Variants in ADAD1 observed in about 807,000 individuals in gnomAD.
The protein encoded by ADAD1 is adenosine deaminase domain-containing protein 1.
A neutral mutation model predicts 66.8 loss-of-function variants in ADAD1; 46 were observed. The ratio of observed to expected loss-of-function variants is 0.69; its 90% CI spans 0.54 to 0.88. The LOEUF (loss-of-function observed/expected upper bound fraction) is 0.88, where lower values mean the gene tolerates loss of function less well. Ranked by LOEUF, ADAD1 falls within the 40% of genes least tolerant of loss-of-function variation. The pLI is 0.00. For missense variants in ADAD1, 617 were observed against 681.8 expected (o/e 0.91, Z 1.06); for synonymous variants, 248 against 229.4 (o/e 1.08, Z -0.73).
At position 122,412,853 on chromosome 4, in the gene ADAD1, C is replaced by G. The variant is rs1001515715; in HGVS notation, c.1249+44C>G. On this transcript the variant is annotated intron_variant, in intron 10 of 12. Coordinates refer to ENST00000296513, the MANE Select transcript of ADAD1 (RefSeq NM_139243.4). ...CCTCCTGGGCCTCTCACTCACTAAG[C>G]AAATTCTCTGTATTTTACTTATCAG... 3 of 1,487,950 alleles carry G rather than the reference C, an allele frequency of 2.0e-6. No individual in the cohort carries two copies. The Admixed American group carries it at 5.4e-5, about 27-fold the overall frequency. The allele number at this position is 1,487,950 out of a possible 1,614,324, so 92.2% of individuals were successfully genotyped here.
At chr4:122,400,471 A>G (rs1795922966) in intron 7 of ADAD1, among the ~76,000 whole-genome samples, 1 of 151,640 alleles carries the variant, frequency 6.6e-6, no homozygotes, top group Admixed American at 6.6e-5. Context: ...TTTTCTTTTT[A>G]TTTAATGTCT....
chr4:122,403,101 T>C (rs1186155517), intron 7 of ADAD1, among the ~76,000 whole-genome samples: 2 of 152,218 alleles, frequency 1.3e-5, no homozygotes, highest in African/African-American at 4.8e-5. Context: ...TTCTGGTTCC[T>C]TCTCATTTGG....
rs1035428764 is a variant in ADAD1, at chr4:122,418,813, A to G, written c.1488-2448A>G. On this transcript the variant is annotated intron_variant, in intron 11 of 12. Coordinates refer to ENST00000296513, the MANE Select transcript of ADAD1 (RefSeq NM_139243.4). ...TTAAATCTGATTTTTTAAAATTGCT[A>G]ATCAAAGCCACAATGAGATACTATC... is the stretch of plus-strand genomic sequence containing the variant. 3.9e-5 allele frequency among the ~76,000 whole-genome samples: 6 copies of G among 152,218 alleles called. No homozygotes were observed. In the South Asian group the frequency reaches 8.3e-4, roughly 21 times the overall value.
At position 122,396,193 on chromosome 4, in the gene ADAD1, T is replaced by C. The variant is rs1419991143; in HGVS notation, c.599-59T>C. ...GATTGTAAGGTTATAATAAGAATAA[T>C]AAGACAGCTCTAGGAGGAGCACAAT... is the stretch of plus-strand genomic sequence containing the variant. On this transcript the variant is annotated intron_variant, in intron 6 of 12. Transcript: ENST00000296513. The C allele has an allele frequency of 5.8e-6, 8 of 1,376,792 alleles. No individual in the cohort carries two copies. In the African/African-American group the frequency reaches 8.9e-5, roughly 15 times the overall value. The allele number at this position is 1,376,792 out of a possible 1,614,324, so 85.3% of individuals were successfully genotyped here. A position where few individuals can be genotyped will look rare whatever the true frequency, so the allele number is the denominator to read the frequency against.
chr4:122,415,798 AT>A (rs1308752662), intron 11 of ADAD1, among the ~76,000 whole-genome samples, 182 bp downstream of exon 11: 1 of 151,886 alleles, frequency 6.6e-6, no homozygotes, highest in South Asian at 2.1e-4. Flanking sequence ...TTAATTTTAA[AT>A]TTTTTTTCTG....
chr4:122,401,235 T>A (rs1437585219), intron 7 of ADAD1, among the ~76,000 whole-genome samples: 1 of 152,108 alleles, frequency 6.6e-6, no homozygotes, highest in Non-Finnish European at 1.5e-5. Context: ...TTTTTTAATT[T>A]CCATTTGATT....
chr4:122,403,241 T>C (rs1428564686), intron 7 of ADAD1, among the ~76,000 whole-genome samples: 1 of 152,118 alleles, frequency 6.6e-6, no homozygotes, highest in Non-Finnish European at 1.5e-5. Flanking sequence ...AGAGCCAGAC[T>C]GCAGTGATTA....
At chr4:122,403,684 C>G (rs987914082) in intron 7 of ADAD1, among the ~76,000 whole-genome samples, 2 of 152,154 alleles carry the variant, frequency 1.3e-5, no homozygotes, top group Non-Finnish European at 2.9e-5. Context: ...GGGATATAAG[C>G]TTGCCCTACC....
intron 5 of ADAD1, among the ~76,000 whole-genome samples, chr4:122,389,695 T>C (rs546700319): frequency 5.3e-5 from 8 of 152,320 alleles, no homozygotes; most frequent in Admixed American, 3.9e-4. Context: ...TTTTTCACTT[T>C]CCATTTACTT....
In ADAD1 at chr4:122,415,617, G is replaced by T; in HGVS notation, c.1487+1G>T. ...GCCTGAGTGGGAAGATCACTGAAAG[G>T]TTAAAATTACTAATTTCTTTAAACC... On this transcript the variant is annotated splice_donor_variant, in intron 11 of 12. Coordinates refer to ENST00000296513, the MANE Select transcript of ADAD1 (RefSeq NM_139243.4). LOFTEE classifies it high-confidence loss of function. The T allele has an allele frequency of 6.2e-7, 1 of 1,609,780 alleles. No homozygotes were observed. Among genetic ancestry groups the T allele is most frequent in the Non-Finnish European group, 8.5e-7 (1 of 1,176,684 alleles).
At chr4:122,412,319 G>A (rs1324636219) in intron 9 of ADAD1, among the ~76,000 whole-genome samples, 1 of 151,974 alleles carries the variant, frequency 6.6e-6, no homozygotes, top group East Asian at 1.9e-4. Flanking sequence ...GTGTTTCTTT[G>A]GGTTTTAAGG....
chr4:122,409,700 TTTTG>T (rs542888756), intron 8 of ADAD1, among the ~76,000 whole-genome samples: 2 of 152,082 alleles, frequency 1.3e-5, no homozygotes, highest in Non-Finnish European at 2.9e-5. Context: ...TTTTTGTGTG[TTTTG>T]TTTGTTTGTT....
chr4:122,404,100 T>TC (rs1796102371), intron 7 of ADAD1, among the ~76,000 whole-genome samples: 1 of 152,124 alleles, frequency 6.6e-6, no homozygotes, highest in African/African-American at 2.4e-5. Context: ...GCTATAATCC[T>TC]CCCCACTGAG....
chr4:122,385,434 G>A (rs569193285), intron 5 of ADAD1, among the ~76,000 whole-genome samples: 9 of 151,850 alleles, frequency 5.9e-5, no homozygotes, highest in South Asian at 2.1e-4. Context: ...CACCACACCC[G>A]GCTAATTTTT....
At chr4:122,405,110 A>G (rs1035320949) in intron 7 of ADAD1, among the ~76,000 whole-genome samples, 1 of 152,182 alleles carries the variant, frequency 6.6e-6, no homozygotes, top group Non-Finnish European at 1.5e-5. Flanking sequence ...ATTCTATTTA[A>G]GGGAAGGTTT....
chr4:122,412,492 CAT>C, intron 9 of ADAD1, 86 bp from the exon 10 acceptor site: 1 of 1,075,672 alleles, frequency 9.3e-7, no homozygotes. Flanking sequence ...GGAAGTTAAA[CAT>C]GTTACAGAAC....
At chr4:122,412,954 CT>C (rs1796533673) in intron 10 of ADAD1, 145 bp downstream of exon 10, 1 of 650,386 alleles carries the variant, frequency 1.5e-6, no homozygotes, top group African/African-American at 1.8e-5. Flanking sequence ...TTTTGTAGAG[CT>C]GTTGGTTTCA....
chr4:122,406,323 G>A lies in ADAD1; in HGVS notation c.725-1585G>A, dbSNP rs190323203. Among the ~76,000 whole-genome samples, 52 of 152,230 alleles carry A rather than the reference G, an allele frequency of 3.4e-4. 2 individuals are homozygous for A. The East Asian group carries it at 9.8e-3, about 29-fold the overall frequency. The stretch of plus-strand genomic sequence containing the variant: ...TTGCATTTCTCTGGTGATTAGTGAT[G>A]TTGAGCACCTTTTCATATACCTGTT... On this transcript the variant is annotated intron_variant, in intron 7 of 12. Coordinates refer to ENST00000296513, the MANE Select transcript of ADAD1 (RefSeq NM_139243.4).
chr4:122,398,443 G>A (rs187957019), intron 7 of ADAD1, among the ~76,000 whole-genome samples: 22 of 152,172 alleles, frequency 1.4e-4, no homozygotes, highest in Non-Finnish European at 3.1e-4. Context: ...AAACGTGTGT[G>A]CAAGTGTCTT....
Sources: allele counts gnomAD v4.1 joint callset (sites outside exome capture counted in the v4.1 genomes callset), GRCh38; gene constraint gnomAD v4.1.1; transcripts MANE v1.5; gene names NCBI Gene and HGNC (gene_info 2026-07-23, HGNC 2026-07-21).